PHIP: variants seen among roughly 807,000 people sequenced by gnomAD.
The protein encoded by PHIP is PH-interacting protein.
In PHIP, 54 loss-of-function variants were observed where a neutral mutation model predicts 236.8. The observed-to-expected ratio is 0.23, with a 90% CI of 0.18 to 0.29. The LOEUF (loss-of-function observed/expected upper bound fraction) is 0.29, where lower values mean the gene tolerates loss of function less well. Among genes scored for constraint, PHIP ranks in the 10% least tolerant of loss-of-function variants. PHIP has a pLI of 1.00. For synonymous variants in PHIP, 756 were observed against 718.9 expected (o/e 1.05, Z -0.83); for missense variants, 1,370 against 2,190.8 (o/e 0.63, Z 7.48).
intron 19 of PHIP, among the ~76,000 whole-genome samples, chr6:78,992,646 A>G (rs1476061506): frequency 6.6e-6 from 1 of 152,022 alleles, no homozygotes; most frequent in Non-Finnish European, 1.5e-5. Context: ...ATCTGTTGTC[A>G]GTAATTTTTT....
At chr6:79,001,283 T>A (rs1280680169) in intron 17 of PHIP, among the ~76,000 whole-genome samples, 1 of 152,084 alleles carries the variant, frequency 6.6e-6, no homozygotes, top group East Asian at 1.9e-4. Context: ...ATTTTAACTC[T>A]CATTTAATTC....
chr6:79,027,088 A>G (rs896428698), intron 7 of PHIP, among the ~76,000 whole-genome samples: 1 of 152,156 alleles, frequency 6.6e-6, no homozygotes, highest in Non-Finnish European at 1.5e-5. Flanking sequence ...AAACACCTTC[A>G]TATCTGACAT....
intron 7 of PHIP, 112 bp from the exon 8 acceptor site, chr6:79,026,276 T>C (rs1771395812): frequency 3.9e-6 from 3 of 778,468 alleles, no homozygotes; most frequent in Non-Finnish European, 4.2e-6. Context: ...TATTTTTAAA[T>C]ACCAAAAAGT....
chr6:78,945,238 A>G, intron 39 of PHIP, 62 bp downstream of exon 39: 1 of 1,247,678 alleles, frequency 8.0e-7, no homozygotes, highest in Non-Finnish European at 1.2e-6. Flanking sequence ...TGCTGATTCC[A>G]ACAAAAGCAT....
intron 15 of PHIP, among the ~76,000 whole-genome samples, chr6:79,012,827 T>G (rs1244132699): frequency 6.6e-6 from 1 of 150,552 alleles, no homozygotes; most frequent in Non-Finnish European, 1.5e-5. Context: ...AACAAAAGAG[T>G]GAAGAGCAAA....
In PHIP at chr6:78,940,040, T is replaced by A. The variant is rs1322287364; in HGVS notation, c.*653A>T. ...AATTAGACAGTCAAATGTTTTCCAA[T>A]GTGGATATGTTTCCCTTCATCAGTA... On this transcript the variant is annotated 3_prime_UTR_variant, in exon 40 of 40. Transcript: ENST00000275034. 7.0e-6 allele frequency: 1 copy of A among 143,288 alleles called. No homozygotes were observed. Among genetic ancestry groups the A allele is most frequent in the Non-Finnish European group, 1.5e-5 (1 of 65,622 alleles). 8.9% of individuals were successfully genotyped at this position (143,288 alleles called of 1,614,324 possible). A position where few individuals can be genotyped will look rare whatever the true frequency, so the allele number is the denominator to read the frequency against.
At chr6:78,983,922 T>C (rs1285250999) in intron 22 of PHIP, among the ~76,000 whole-genome samples, 2 of 152,182 alleles carry the variant, frequency 1.3e-5, no homozygotes, top group Non-Finnish European at 2.9e-5. Context: ...TTATCTTCTA[T>C]ATTAATTTTA....
intron 7 of PHIP, among the ~76,000 whole-genome samples, chr6:79,037,870 A>G (rs1408831042): frequency 6.6e-6 from 1 of 152,204 alleles, no homozygotes; most frequent in African/African-American, 2.4e-5. Context: ...GGCACTACAG[A>G]TCTAAAAAAT....
chr6:79,001,777 T>C (rs1156664207), intron 17 of PHIP, 122 bp downstream of exon 17: 4 of 646,080 alleles, frequency 6.2e-6, no homozygotes, highest in South Asian at 3.7e-5. Context: ...TGTATAAAAG[T>C]ATAAAACATA....
intron 24 of PHIP, among the ~76,000 whole-genome samples, chr6:78,971,701 C>G (rs1767572365): frequency 6.6e-6 from 1 of 152,156 alleles, no homozygotes; most frequent in Non-Finnish European, 1.5e-5. Flanking sequence ...TAGGGTGAGG[C>G]ATTGCCTCAC....
At chr6:79,044,689 T>G (rs1279162846) in intron 6 of PHIP, among the ~76,000 whole-genome samples, 2 of 152,180 alleles carry the variant, frequency 1.3e-5, no homozygotes, top group African/African-American at 4.8e-5. Flanking sequence ...TGTCGAATTT[T>G]AGGAAACTAA....
rs1768789828 is a variant in PHIP, at chr6:78,985,239, C to G, written c.2537+113G>C. The G allele has an allele frequency of 8.9e-6, 6 of 675,918 alleles. No individual in the cohort carries two copies. The South Asian group carries it at 1.1e-4, about 12-fold the overall frequency. The allele number at this position is 675,918 out of a possible 1,614,324, so 41.9% of individuals were successfully genotyped here. A position where few individuals can be genotyped will look rare whatever the true frequency, so the allele number is the denominator to read the frequency against. ...TACATTTCATACAACTTCAAAAACT[C>G]TCTGAAGAACTTTGAACTTACAGAG... On this transcript the variant is annotated intron_variant, in intron 22 of 39. Transcript: ENST00000275034.
chr6:79,035,107 T>A (rs994611998), intron 7 of PHIP, among the ~76,000 whole-genome samples: 1 of 152,120 alleles, frequency 6.6e-6, no homozygotes, highest in Non-Finnish European at 1.5e-5. Context: ...CCATGAGGTA[T>A]CATAATGAGT....
intron 14 of PHIP, 31 bp downstream of exon 14, chr6:79,015,599 A>C: frequency 6.7e-7 from 1 of 1,484,650 alleles, no homozygotes; most frequent in Non-Finnish European, 9.3e-7. Context: ...AGCTTCAGTT[A>C]TATCAAATAA....
chr6:78,960,838 C>G (rs1474200246), intron 31 of PHIP, among the ~76,000 whole-genome samples: 1 of 151,758 alleles, frequency 6.6e-6, no homozygotes, highest in African/African-American at 2.4e-5. Flanking sequence ...TAAAAAGAAC[C>G]AAAGGCACAT....
At chr6:79,032,196 G>A (rs1325117221) in intron 7 of PHIP, among the ~76,000 whole-genome samples, 1 of 152,170 alleles carries the variant, frequency 6.6e-6, no homozygotes, top group Non-Finnish European at 1.5e-5. Flanking sequence ...TTTGCTGGTG[G>A]AGGGCTTTGC....
At chr6:79,050,821 T>C (rs1772755638) in intron 6 of PHIP, among the ~76,000 whole-genome samples, 2 of 152,186 alleles carry the variant, frequency 1.3e-5, no homozygotes, top group Admixed American at 6.5e-5. Context: ...GAATGTATAT[T>C]ATGCTATAGA....
At chr6:79,028,285 A>G (rs976027699) in intron 7 of PHIP, among the ~76,000 whole-genome samples, 1 of 152,198 alleles carries the variant, frequency 6.6e-6, no homozygotes, top group Admixed American at 6.5e-5. Context: ...TCAGGATCAT[A>G]CTTGTGTTTT....
At position 79,054,113 on chromosome 6, in the gene PHIP, T is replaced by TA. The variant is rs571416958; in HGVS notation, c.439+6364dup. 9.5e-3 allele frequency among the ~76,000 whole-genome samples: 1,248 copies of TA among 131,194 alleles called. 11 individuals are homozygous for TA. The highest frequency in any genetic ancestry group is 0.028 in the African/African-American group (1,020 of 35,846). The allele number at this position is 131,194 out of a possible 152,430, so 86.1% of individuals were successfully genotyped here. A position where few individuals can be genotyped will look rare whatever the true frequency, so the allele number is the denominator to read the frequency against. Reference sequence around the variant, plus strand: ...TTTGGCATAATGAACATTATTTCCCTAAAAAAAAAAAAAATGCTAATACAC... The same window carrying TA: ...TTTGGCATAATGAACATTATTTCCCTAAAAAAAAAAAAAAATGCTAATACAC... On this transcript the variant is annotated intron_variant, in intron 6 of 39. Transcript: ENST00000275034.
Sources: gnomAD v4.1 joint callset for allele counts (sites outside exome capture counted in the v4.1 genomes callset) on GRCh38, gnomAD v4.1.1 for gene constraint, MANE v1.5 for transcripts, NCBI Gene and HGNC (gene_info 2026-07-23, HGNC 2026-07-21) for gene names.